The following SPIDR variants were observed in gnomAD, a reference collection of about 807,000 sequenced individuals.
The protein encoded by SPIDR is scaffold protein involved in DNA repair.
In SPIDR, 93 loss-of-function variants were observed where a neutral mutation model predicts 104.6. That is an observed-to-expected ratio of 0.89 (90% CI 0.75 to 1.06). The LOEUF (loss-of-function observed/expected upper bound fraction) is 1.06, where lower values mean the gene tolerates loss of function less well. SPIDR is among the 50% of genes least tolerant of loss of function. SPIDR has a pLI of 0.00. For synonymous variants in SPIDR, 431 were observed against 416.9 expected (o/e 1.03, Z -0.41); for missense variants, 1,154 against 1,111.2 (o/e 1.04, Z -0.55).
intron 14 of SPIDR, among the ~76,000 whole-genome samples, chr8:47,711,657 CAA>C (rs2081908790): frequency 6.6e-6 from 1 of 152,144 alleles, no homozygotes; most frequent in South Asian, 2.1e-4. Flanking sequence ...CATACACACA[CAA>C]CTATATCTAC....
chr8:47,658,862 C>T (rs987878605), intron 10 of SPIDR, among the ~76,000 whole-genome samples: 1 of 147,564 alleles, frequency 6.8e-6, no homozygotes, highest in African/African-American at 2.5e-5. Context: ...CTTGGACCGG[C>T]GAGGTGGAGA....
At chr8:47,489,848 A>G (rs571013070) in intron 8 of SPIDR, among the ~76,000 whole-genome samples, 252 of 152,326 alleles carry the variant, frequency 1.7e-3, no homozygotes, top group African/African-American at 5.8e-3. Flanking sequence ...TACACCAATT[A>G]ATTCAAGATG....
chr8:47,622,854 A>C (rs1451961010), intron 10 of SPIDR, among the ~76,000 whole-genome samples: 1 of 152,102 alleles, frequency 6.6e-6, no homozygotes, highest in Non-Finnish European at 1.5e-5. Flanking sequence ...TTATCCAGGC[A>C]CCCTCTTTGG....
chr8:47,362,420 T>C (rs62539083), intron 5 of SPIDR, among the ~76,000 whole-genome samples: 426 of 152,288 alleles, frequency 2.8e-3, no homozygotes, highest in Non-Finnish European at 4.5e-3. Context: ...TCCCCTGGTA[T>C]GAAGGGCCCG....
intron 10 of SPIDR, among the ~76,000 whole-genome samples, chr8:47,657,844 A>G (rs2073139676): frequency 1.3e-5 from 2 of 152,064 alleles, no homozygotes; most frequent in East Asian, 3.9e-4. Flanking sequence ...AGCCTGAGCA[A>G]TATAGTGAGA....
At chr8:47,626,226 C>T (rs2066079972) in intron 10 of SPIDR, among the ~76,000 whole-genome samples, 1 of 152,156 alleles carries the variant, frequency 6.6e-6, no homozygotes, top group African/African-American at 2.4e-5. Context: ...ACACCTTATA[C>T]ACAAATTAAT....
intron 3 of SPIDR, among the ~76,000 whole-genome samples, chr8:47,284,567 G>A (rs1330139763): frequency 6.6e-6 from 1 of 152,194 alleles, no homozygotes; most frequent in Non-Finnish European, 1.5e-5. Flanking sequence ...GAATAAATGA[G>A]GTTGAATTTG....
At chr8:47,605,416 C>G (rs903289602) in intron 10 of SPIDR, among the ~76,000 whole-genome samples, 2 of 152,166 alleles carry the variant, frequency 1.3e-5, no homozygotes, top group Non-Finnish European at 2.9e-5. Context: ...AGAGGAGAAG[C>G]AAGCTTGGAT....
intron 10 of SPIDR, among the ~76,000 whole-genome samples, chr8:47,625,142 G>A: frequency 6.6e-6 from 1 of 152,102 alleles, no homozygotes; most frequent in South Asian, 2.1e-4. Context: ...AAAACTACAT[G>A]ATTATCTCAA....
At chr8:47,483,008 C>T (rs2077075185) in intron 8 of SPIDR, among the ~76,000 whole-genome samples, 1 of 152,190 alleles carries the variant, frequency 6.6e-6, no homozygotes, top group Non-Finnish European at 1.5e-5. Context: ...AAAGGCCGCC[C>T]CTCTGCCCCT....
intron 5 of SPIDR, among the ~76,000 whole-genome samples, chr8:47,346,951 C>T (rs1587435994): frequency 6.6e-6 from 1 of 152,088 alleles, no homozygotes; most frequent in South Asian, 2.1e-4. Context: ...GTCTCTGTCT[C>T]CTTCAGTTCT....
intron 8 of SPIDR, among the ~76,000 whole-genome samples, chr8:47,564,496 A>G (rs374098451): frequency 7.6e-4 from 116 of 152,240 alleles, no homozygotes; most frequent in African/African-American, 2.4e-3. Context: ...CCCAGCTAAC[A>G]TGGTGAAACC....
At chr8:47,490,541 G>C (rs1277758324) in intron 8 of SPIDR, among the ~76,000 whole-genome samples, 1 of 152,224 alleles carries the variant, frequency 6.6e-6, no homozygotes, top group Non-Finnish European at 1.5e-5. Context: ...AAAGACACAT[G>C]CACATGTACG....
At chr8:47,428,477 C>T (rs1255363229) in intron 7 of SPIDR, among the ~76,000 whole-genome samples, 2 of 152,042 alleles carry the variant, frequency 1.3e-5, no homozygotes, top group African/African-American at 4.8e-5. Context: ...TCTAAGTCTC[C>T]TAGTATTATG....
intron 8 of SPIDR, among the ~76,000 whole-genome samples, chr8:47,533,269 C>A (rs1173116396): frequency 6.6e-6 from 1 of 151,878 alleles, no homozygotes; most frequent in Admixed American, 6.6e-5. Flanking sequence ...AATAAAAATT[C>A]TCAACTCAAA....
intron 14 of SPIDR, among the ~76,000 whole-genome samples, chr8:47,709,395 C>T (rs369962565): frequency 1.3e-5 from 2 of 152,326 alleles, no homozygotes; most frequent in East Asian, 3.9e-4. Context: ...CCGCCTCTGC[C>T]TCCCAAAGTG....
chr8:47,386,569 G>A (rs1194709438), intron 5 of SPIDR, among the ~76,000 whole-genome samples: 1 of 152,054 alleles, frequency 6.6e-6, no homozygotes, highest in Non-Finnish European at 1.5e-5. Context: ...CTCTGTTACT[G>A]GATTGCTGTG....
intron 8 of SPIDR, among the ~76,000 whole-genome samples, chr8:47,595,197 C>G (rs1403644531): frequency 1.3e-5 from 2 of 152,086 alleles, no homozygotes; most frequent in East Asian, 3.9e-4. Flanking sequence ...ACTCCGTCCT[C>G]CCAGAATCAG....
In SPIDR at chr8:47,294,064, T is replaced by C. The variant is rs1308486607; in HGVS notation, c.525+34T>C. ...GAAGTATTTCAAAACTTTTATTCAC[T>C]TTATAACATTTGCTAATCATAGTTG... is the stretch of plus-strand genomic sequence containing the variant. On this transcript the variant is annotated intron_variant, in intron 5 of 19. Transcript: ENST00000297423. 4 of 1,575,768 alleles carry C rather than the reference T, an allele frequency of 2.5e-6. No individual in the cohort carries two copies. The East Asian group carries it at 9.0e-5, about 36-fold the overall frequency.
Sources: gnomAD v4.1 joint callset for allele counts (sites outside exome capture counted in the v4.1 genomes callset) on GRCh38, gnomAD v4.1.1 for gene constraint, MANE v1.5 for transcripts, NCBI Gene and HGNC (gene_info 2026-07-23, HGNC 2026-07-21) for gene names.